Variants in GABRA2 observed in about 807,000 individuals in gnomAD.
The protein encoded by GABRA2 is gamma-aminobutyric acid receptor subunit alpha-2.
Under a neutral mutation model 48.7 loss-of-function variants are expected in GABRA2, and 16 were observed. That is an observed-to-expected ratio of 0.33 (90% CI 0.22 to 0.50). GABRA2 has a LOEUF of 0.50. Ranked by LOEUF, GABRA2 falls within the 20% of genes least tolerant of loss-of-function variation. GABRA2 has a pLI of 0.98. For synonymous variants in GABRA2, 185 were observed against 184.5 expected (o/e 1.00, Z -0.02); for missense variants, 275 against 535.6 (o/e 0.51, Z 4.80).
chr4:46,364,465 T>C (rs1276635138), intron 3 of GABRA2: 1 of 152,226 alleles, frequency 6.6e-6, no homozygotes, highest in Admixed American at 6.5e-5. Context: ...CAGCATGCTA[T>C]GTCTTGGTTC....
intron 8 of GABRA2, among the ~76,000 whole-genome samples, chr4:46,285,725 T>C (rs1048973688): frequency 1.3e-5 from 2 of 152,084 alleles, no homozygotes; most frequent in Non-Finnish European, 1.5e-5. Flanking sequence ...TCCCTGAAAC[T>C]ATTTTTCTGT....
In GABRA2 at chr4:46,246,074, CTACTT is replaced by C. The variant is rs563840855; in HGVS notation, c.*4229_*4233del. Among the ~76,000 whole-genome samples, 4 of 151,036 alleles carry C rather than the reference CTACTT, an allele frequency of 2.6e-5. No individual in the cohort carries two copies. Among genetic ancestry groups the C allele is most frequent in the Middle Eastern group, 3.4e-3 (1 of 292 alleles). On this transcript the variant is annotated 3_prime_UTR_variant, in exon 10 of 10. Transcript: ENST00000381620. ...CAAATGACTTTCACATGAACTTTCT[CTACTT>C]TAGTATTTTAGTTATGATGCTTACT...
intron 9 of GABRA2, among the ~76,000 whole-genome samples, chr4:46,255,642 C>G (rs1222485201): frequency 6.6e-6 from 1 of 151,414 alleles, no homozygotes; most frequent in African/African-American, 2.4e-5. Context: ...AAATATAACC[C>G]ACACAAATTG....
intron 3 of GABRA2, among the ~76,000 whole-genome samples, chr4:46,345,573 G>C (rs1195327352): frequency 1.3e-5 from 2 of 151,888 alleles, no homozygotes; most frequent in African/African-American, 4.8e-5. Flanking sequence ...CATGTTCCAC[G>C]TCACTCCCCA....
rs200453930 is a variant in GABRA2 at position 46,299,675 on chromosome 4, CT to C, written c.856+3784del. 3.2e-3 allele frequency among the ~76,000 whole-genome samples: 440 copies of C among 139,432 alleles called. 1 individual carries two copies. Among genetic ancestry groups the C allele is most frequent in the African/African-American group, 7.1e-3 (275 of 38,832 alleles). 91.5% of individuals were successfully genotyped at this position (139,432 alleles called of 152,430 possible). On this transcript the variant is annotated intron_variant, in intron 8 of 9. Transcript: ENST00000381620. The stretch of plus-strand genomic sequence containing the variant: ...ACATGTTGGAGAATTGGGTTTCTTT[CT>C]TTTTTTTTTTTTTTTGTCTACCCAA...
At chr4:46,306,219 A>G (rs1726665280) in intron 6 of GABRA2, among the ~76,000 whole-genome samples, 1 of 152,252 alleles carries the variant, frequency 6.6e-6, no homozygotes, top group African/African-American at 2.4e-5. Context: ...TATAGAACAT[A>G]TAAGATAAAT....
At chr4:46,260,514 T>A (rs554838074) in intron 9 of GABRA2, among the ~76,000 whole-genome samples, 225 of 151,988 alleles carry the variant, frequency 1.5e-3, no homozygotes, top group African/African-American at 4.7e-3. Flanking sequence ...AATATTAAAA[T>A]AATATATCAA....
At chr4:46,281,661 A>G (rs544501411) in intron 8 of GABRA2, among the ~76,000 whole-genome samples, 1 of 152,282 alleles carries the variant, frequency 6.6e-6, no homozygotes, top group East Asian at 1.9e-4. Flanking sequence ...ATGATGTTGG[A>G]GTAGTAGAGA....
At chr4:46,311,454 T>TTTATG (rs1404401980) in intron 5 of GABRA2, among the ~76,000 whole-genome samples, 2 of 152,224 alleles carry the variant, frequency 1.3e-5, no homozygotes, top group Non-Finnish European at 2.9e-5. Context: ...TTTTAAATCT[T>TTTATG]TTATGAAACA....
chr4:46,355,273 T>C (rs1195525544), intron 3 of GABRA2, among the ~76,000 whole-genome samples: 2 of 152,186 alleles, frequency 1.3e-5, no homozygotes, highest in Non-Finnish European at 2.9e-5. Flanking sequence ...TAGAGGAATA[T>C]ATAAGCAGTC....
intron 8 of GABRA2, among the ~76,000 whole-genome samples, chr4:46,289,133 G>T (rs1723108027): frequency 6.6e-6 from 1 of 152,148 alleles, no homozygotes; most frequent in Non-Finnish European, 1.5e-5. Flanking sequence ...AACCATTGTA[G>T]AATACAGTGT....
Position 46,266,718 on chromosome 4 carries a change from C to CTTTTT in GABRA2, c.857-4595_857-4591dup, listed in dbSNP as rs35380341. ...TAGCCACCATGTCTTCAAATATTCT[C>CTTTTT]TTTTTTTTTTTTTTTTTTTTTGAGA... On this transcript the variant is annotated intron_variant, in intron 8 of 9. Coordinates refer to ENST00000381620, the MANE Select transcript of GABRA2 (RefSeq NM_000807.4). Among the ~76,000 whole-genome samples the CTTTTT allele has an allele frequency of 4.4e-3, 404 of 92,816 alleles. 27 individuals carry two copies. The highest frequency in any genetic ancestry group is 0.016 in the African/African-American group (372 of 22,740). 60.9% of individuals were successfully genotyped at this position (92,816 alleles called of 152,430 possible).
chr4:46,324,123 C>T (rs890794147), intron 4 of GABRA2, among the ~76,000 whole-genome samples: 4 of 151,988 alleles, frequency 2.6e-5, no homozygotes, highest in African/African-American at 7.2e-5. Flanking sequence ...CCTCCACCCA[C>T]CGCAATCTGG....
intron 8 of GABRA2, among the ~76,000 whole-genome samples, chr4:46,266,113 A>G (rs964511915): frequency 9.2e-5 from 14 of 151,984 alleles, no homozygotes; most frequent in East Asian, 1.9e-4. Flanking sequence ...CTCCATGCCC[A>G]GTTGAGAAAT....
chr4:46,258,490 A>G (rs970539007), intron 9 of GABRA2, among the ~76,000 whole-genome samples: 5 of 151,858 alleles, frequency 3.3e-5, no homozygotes, highest in Non-Finnish European at 4.4e-5. Context: ...TCATGCAAGC[A>G]TTGTCAGTAA....
chr4:46,376,562 T>C (rs1715729970), intron 3 of GABRA2, among the ~76,000 whole-genome samples: 2 of 152,130 alleles, frequency 1.3e-5, no homozygotes, highest in African/African-American at 2.4e-5. Flanking sequence ...TGTTTTCAGA[T>C]GAAAACAAAA....
At chr4:46,373,646 T>A (rs1246249732) in intron 3 of GABRA2, among the ~76,000 whole-genome samples, 1 of 152,158 alleles carries the variant, frequency 6.6e-6, no homozygotes, top group Non-Finnish European at 1.5e-5. Context: ...GATAAAAGGA[T>A]CCTCAGTTTT....
intron 3 of GABRA2, among the ~76,000 whole-genome samples, chr4:46,345,596 G>A (rs1734020424): frequency 1.3e-5 from 2 of 151,798 alleles, no homozygotes; most frequent in East Asian, 1.9e-4. Flanking sequence ...AGTCCACAGT[G>A]GTACTAAACC....
chr4:46,335,176 G>A (rs2109825546), intron 3 of GABRA2, among the ~76,000 whole-genome samples: 1 of 152,152 alleles, frequency 6.6e-6, no homozygotes, highest in South Asian at 2.1e-4. Context: ...AGGAATGGAG[G>A]GGAAGGAAGG....
Sources: allele counts gnomAD v4.1 joint callset (sites outside exome capture counted in the v4.1 genomes callset), GRCh38; gene constraint gnomAD v4.1.1; transcripts MANE v1.5; gene names NCBI Gene and HGNC (gene_info 2026-07-23, HGNC 2026-07-21).